Variants in OXR1 observed in about 807,000 individuals in gnomAD.
OXR1 encodes oxidation resistance 1.
In OXR1, 41 loss-of-function variants were observed where a neutral mutation model predicts 104.6. The observed-to-expected ratio is 0.39, with a 90% confidence interval of 0.31 to 0.51. The LOEUF (loss-of-function observed/expected upper bound fraction) is 0.51. Ranked by LOEUF, OXR1 falls within the 20% of genes least tolerant of loss-of-function variation. OXR1 has a pLI of 0.77. For missense variants in OXR1, 955 were observed against 1,031.9 expected, an observed-to-expected ratio of 0.93 and a Z score of 1.02; for synonymous variants, 348 against 348.4, an observed-to-expected ratio of 1.00 and a Z score of 0.01.
chr8:106,597,191 A>G (rs1287062497), intron 3 of OXR1, among the ~76,000 whole-genome samples: 2 of 152,158 alleles, frequency 1.3e-5, no homozygotes, highest in African/African-American at 4.8e-5. Flanking sequence ...CTAAACCCCA[A>G]GACGATGCTG....
At position 106,678,997 on chromosome 8, in the gene OXR1, A is replaced by G. The variant is rs536241504; in HGVS notation, c.221-213A>G. Among the ~76,000 whole-genome samples the G allele has an allele frequency of 3.3e-5, 5 of 152,048 alleles. No homozygotes were observed. In the East Asian group the frequency reaches 9.6e-4, roughly 29 times the overall value. ...TTTTGCGTTGACTTGCAATTATTCT[A>G]TTGGTTCATACTAGTTAAGTTCCTA... On this transcript the variant is annotated intron_variant, in intron 3 of 16. Transcript: ENST00000517566.
chr8:106,609,363 T>C (rs1820643494), intron 3 of OXR1, among the ~76,000 whole-genome samples: 1 of 152,196 alleles, frequency 6.6e-6, no homozygotes, highest in Non-Finnish European at 1.5e-5. Flanking sequence ...AGGAGGTCAG[T>C]TTGGGCAACT....
At chr8:106,325,685 T>G (rs1323686263) in intron 1 of OXR1, among the ~76,000 whole-genome samples, 4 of 152,324 alleles carry the variant, frequency 2.6e-5, no homozygotes, top group African/African-American at 9.6e-5. Context: ...CCAGTCACAT[T>G]TATTTACTTG....
At chr8:106,727,625 G>A (rs1308401382) in intron 11 of OXR1, among the ~76,000 whole-genome samples, 3 of 151,990 alleles carry the variant, frequency 2.0e-5, no homozygotes, top group African/African-American at 7.2e-5. Context: ...TCGCCTTGTT[G>A]CCCAGGCTGG....
intron 3 of OXR1, among the ~76,000 whole-genome samples, chr8:106,534,215 T>A (rs1306597117): frequency 6.6e-6 from 1 of 152,194 alleles, no homozygotes; most frequent in Non-Finnish European, 1.5e-5. Flanking sequence ...ATGCTGCCAA[T>A]CCTGGGTAGC....
At chr8:106,511,842 T>C (rs1812553067) in intron 2 of OXR1, among the ~76,000 whole-genome samples, 1 of 152,202 alleles carries the variant, frequency 6.6e-6, no homozygotes, top group Admixed American at 6.5e-5. Flanking sequence ...CAAAATGCCC[T>C]GGTTGTATTT....
chr8:106,702,863 A>C, intron 7 of OXR1, 43 bp from the exon 8 acceptor site: 1 of 1,468,210 alleles, frequency 6.8e-7, no homozygotes, highest in East Asian at 2.3e-5. Flanking sequence ...TTTTTGAAGT[A>C]TCAACCTTGA....
chr8:106,319,185 C>A (rs1814108921), intron 1 of OXR1, among the ~76,000 whole-genome samples: 1 of 152,166 alleles, frequency 6.6e-6, no homozygotes, highest in Admixed American at 6.5e-5. Context: ...GATCTTCTAG[C>A]AGAAGTAATT....
chr8:106,274,402 T>C (rs1316400431), intron 1 of OXR1, among the ~76,000 whole-genome samples: 1 of 152,232 alleles, frequency 6.6e-6, no homozygotes, highest in Non-Finnish European at 1.5e-5. Context: ...CTACCCCCTC[T>C]TCTGTCTCAC....
intron 4 of OXR1, among the ~76,000 whole-genome samples, chr8:106,679,862 G>T (rs370975767): frequency 6.6e-6 from 1 of 151,710 alleles, no homozygotes; most frequent in East Asian, 1.9e-4. Context: ...TGAGAAATCA[G>T]CTTTGGTATA....
At position 106,751,877 on chromosome 8, in the gene OXR1, A is replaced by G. The variant is rs79270561; in HGVS notation, c.*936A>G. 418 of 152,518 alleles carry G rather than the reference A, an allele frequency of 2.7e-3. 2 individuals are homozygous for G. Among genetic ancestry groups the G allele is most frequent in the African/African-American group, 9.5e-3 (396 of 41,518 alleles). The allele number at this position is 152,518 out of a possible 1,614,324, so 9.4% of individuals were successfully genotyped here. Reference sequence around the variant, plus strand: ...ACTCTTGTTCAAAAGGAAAAAAAAAATTGTGATTTTCTTTGAGTGGTATAT... The same window carrying G: ...ACTCTTGTTCAAAAGGAAAAAAAAAGTTGTGATTTTCTTTGAGTGGTATAT... On this transcript the variant is annotated 3_prime_UTR_variant, in exon 17 of 17. Transcript: ENST00000517566.
intron 2 of OXR1, among the ~76,000 whole-genome samples, chr8:106,467,726 T>C (rs928933475): frequency 6.6e-6 from 1 of 151,890 alleles, no homozygotes; most frequent in African/African-American, 2.4e-5. Context: ...TTTGCACTCC[T>C]AATGAGATGT....
intron 2 of OXR1, among the ~76,000 whole-genome samples, chr8:106,473,956 C>A (rs1821658795): frequency 6.9e-6 from 1 of 144,496 alleles, no homozygotes; most frequent in Non-Finnish European, 1.5e-5. Context: ...ACTATGCTAT[C>A]ATGAATCTAG....
chr8:106,728,164 T>C (rs1464379217), intron 11 of OXR1, among the ~76,000 whole-genome samples: 5 of 149,468 alleles, frequency 3.3e-5, no homozygotes, highest in Non-Finnish European at 7.4e-5. Flanking sequence ...GCTTTGTAGA[T>C]TGAGAGCCCT....
chr8:106,346,481 A>T (rs1815484858), intron 1 of OXR1, among the ~76,000 whole-genome samples: 1 of 152,220 alleles, frequency 6.6e-6, no homozygotes, highest in African/African-American at 2.4e-5. Flanking sequence ...GAATCTTAGA[A>T]CATAAAGAAT....
chr8:106,428,354 G>GT (rs1425120446), intron 2 of OXR1, among the ~76,000 whole-genome samples: 1 of 152,126 alleles, frequency 6.6e-6, no homozygotes, highest in Non-Finnish European at 1.5e-5. Flanking sequence ...GCTCTTCTGT[G>GT]TTTTTTCCAA....
At chr8:106,450,133 A>G (rs747093360) in intron 2 of OXR1, among the ~76,000 whole-genome samples, 6 of 152,214 alleles carry the variant, frequency 3.9e-5, no homozygotes, top group Non-Finnish European at 8.8e-5. Context: ...AGAATGATCA[A>G]TTCCTTGAGT....
At chr8:106,458,744 G>A (rs1269480750) in intron 2 of OXR1, among the ~76,000 whole-genome samples, 2 of 152,092 alleles carry the variant, frequency 1.3e-5, no homozygotes, top group Non-Finnish European at 2.9e-5. Context: ...GCCTCAGTAT[G>A]CCCAGGTTAA....
At chr8:106,546,868 A>G (rs1296907842) in intron 3 of OXR1, among the ~76,000 whole-genome samples, 1 of 152,164 alleles carries the variant, frequency 6.6e-6, no homozygotes, top group Admixed American at 6.6e-5. Context: ...TTTCACATAC[A>G]TAACATGAAA....
Sources: gnomAD v4.1 joint callset for allele counts (sites outside exome capture counted in the v4.1 genomes callset) on GRCh38, gnomAD v4.1.1 for gene constraint, MANE v1.5 for transcripts, NCBI Gene and HGNC (gene_info 2026-07-23, HGNC 2026-07-21) for gene names.